Variants in ARHGEF40 observed in about 807,000 individuals in gnomAD.
The protein encoded by ARHGEF40 is Rho guanine nucleotide exchange factor 40.
Under a neutral mutation model 165.9 loss-of-function variants are expected in ARHGEF40, and 98 were observed. The ratio of observed to expected loss-of-function variants is 0.59; its 90% CI spans 0.50 to 0.70. ARHGEF40 has a LOEUF of 0.70. ARHGEF40 is among the 30% of genes least tolerant of loss of function. The pLI is 0.00. For synonymous variants in ARHGEF40, 792 were observed against 814.3 expected (o/e 0.97, Z 0.47); for missense variants, 1,815 against 1,968.0 (o/e 0.92, Z 1.47).
Position 21,076,608 on chromosome 14 carries a change from C to T in ARHGEF40, c.1882C>T (p.His628Tyr). 6.2e-7 allele frequency: 1 copy of T among 1,614,220 alleles called. No homozygotes were observed. The highest frequency in any genetic ancestry group is 8.5e-7 in the Non-Finnish European group (1 of 1,180,030). Residue 628 changes from histidine (H) to tyrosine (Y), a missense_variant, in exon 7 of 24, where the codon CAT (histidine) becomes TAT (tyrosine). By Grantham distance (83) the His-to-Tyr change is moderately conservative (BLOSUM62 2). Coordinates refer to ENST00000298694, the MANE Select transcript of ARHGEF40 (RefSeq NM_018071.5). The stretch of plus-strand genomic sequence containing the variant: ...TGTTCAGCGGCTGCTGATTCTCATT[C>T]ATGATGACCTTCCAACTGAACTCTG... The part of the protein sequence containing the change: ...PLVQRLLILI[H>Y]DDLPTELCGF...
rs2139188228 is a variant in ARHGEF40 at position 21,070,501 on chromosome 14, T to G, written c.3+102T>G. 7.6e-7 allele frequency: 1 copy of G among 1,323,780 alleles called. No individual in the cohort carries two copies. Among genetic ancestry groups the G allele is most frequent in the Non-Finnish European group, 9.8e-7 (1 of 1,022,596 alleles). The allele number at this position is 1,323,780 out of a possible 1,614,324, so 82.0% of individuals were successfully genotyped here. The stretch of plus-strand genomic sequence containing the variant: ...GGTGCCTCCCGAGCCTGCCTCGGAC[T>G]GTTCGGCCCCTCTGGGACTCTCCTC... On this transcript the variant is annotated intron_variant, in intron 1 of 23. Transcript: ENST00000298694. This position sits in a 1 kb window ranked among gnomAD's most constrained non-coding sequence, Gnocchi z 4.7.
At chr14:21,063,739 A>G in the ARHGEF40 span, among the ~76,000 whole-genome samples, 25 of 152,224 alleles carry the variant, frequency 1.6e-4, no homozygotes, top group Admixed American at 1.6e-3. Context: ...ATAAATGTTC[A>G]TTTAACAAAA....
chr14:21,079,398 G>C (rs1448629379), intron 11 of ARHGEF40, among the ~76,000 whole-genome samples: 1 of 152,084 alleles, frequency 6.6e-6, no homozygotes, highest in Non-Finnish European at 1.5e-5. Flanking sequence ...AACTCCTTAT[G>C]CGATGTCATC....
the ARHGEF40 span, among the ~76,000 whole-genome samples, chr14:21,063,218 A>T: frequency 6.7e-6 from 1 of 149,744 alleles, no homozygotes; most frequent in African/African-American, 2.5e-5. Flanking sequence ...AGTGGTGTGT[A>T]TGTGTGTGTG....
rs199575123 is a variant in ARHGEF40, at chr14:21,074,488, G to C, written c.758G>C (p.Arg253Thr). ...CTGTTAGAGGTGACGCTGCCCGTGA[G>C]GGGGAGCCCAACAGATGCTGAAGGC... ...VELLEVTLPV[R>T]GSPTDAEGSP... Residue 253 changes from arginine to threonine, a missense_variant, in exon 3 of 24, where the codon AGG (arginine) becomes ACG (threonine). Arg to Thr is a moderately conservative substitution (Grantham distance 71). Transcript: ENST00000298694. The surrounding 1 kb of genome is among the most constrained non-coding windows in gnomAD (Gnocchi z 4.8). 7.4e-5 allele frequency: 116 copies of C among 1,561,358 alleles called. No homozygotes were observed. In the Admixed American group the frequency reaches 1.9e-3, roughly 25 times the overall value.
intron 13 of ARHGEF40, 65 bp downstream of exon 13, chr14:21,081,081 G>A (rs1416775611): frequency 3.1e-5 from 48 of 1,552,858 alleles, no homozygotes; most frequent in Non-Finnish European, 3.9e-5. Flanking sequence ...TTTCTGCCTG[G>A]AGAGGCTAAT....
rs114588064 is a variant in ARHGEF40 at position 21,083,847 on chromosome 14, G to A, written c.3586G>A (p.Ala1196Thr). 1.4e-4 allele frequency: 225 copies of A among 1,613,704 alleles called. 3 individuals are homozygous for A. In the East Asian group the frequency reaches 1.5e-3, roughly 11 times the overall value. The change falls in exon 17 of 24, where the codon GCT becomes ACT. Residue 1196 changes from alanine (A) to threonine (T), a missense_variant. Transcript: ENST00000298694. ...GTCCTCAACCTAGGGCTCCATGGAG[G>A]CTGGCCCTTACCTGCCCCGAGCCCT... is the stretch of plus-strand genomic sequence containing the variant. ...LSPLSKGSME[A>T]GPYLPRALQQ...
At chr14:21,080,596 G>T (rs1887814417) in intron 11 of ARHGEF40, 64 bp from the exon 12 acceptor site, 2 of 1,540,714 alleles carry the variant, frequency 1.3e-6, no homozygotes, top group Admixed American at 1.9e-5. Flanking sequence ...GCTGATGCTG[G>T]ATCTCAGCCC....
chr14:21,088,985 T>G (rs917792231), intron 23 of ARHGEF40, 29 bp from the exon 24 acceptor site: 1 of 1,082,832 alleles, frequency 9.2e-7, no homozygotes, highest in African/African-American at 1.6e-5. Context: ...CTCTCCCAAC[T>G]CATCTCCCTC....
upstream of ARHGEF40, among the ~76,000 whole-genome samples, chr14:21,066,104 TAACAAC>T (rs951156309): frequency 6.1e-4 from 93 of 151,882 alleles, no homozygotes; most frequent in Non-Finnish European, 9.9e-4. Context: ...TTTTCAACAA[TAACAAC>T]AACAACAACA....
intron 21 of ARHGEF40, chr14:21,087,672 C>CCT: frequency 1.4e-6 from 1 of 732,298 alleles, no homozygotes. Flanking sequence ...TTCCTCTGTA[C>CCT]CTCTCTCTCT....
Position 21,076,344 on chromosome 14 carries a change from C to A in ARHGEF40, c.1740-16C>A. The A allele has an allele frequency of 6.2e-7, 1 of 1,610,390 alleles. No homozygotes were observed. ...CACACACACAGCAGCCTCCTTGGCT[C>A]TTCCTGCTCCCGCAGGCCTGATCTA... On this transcript the variant is annotated splice_polypyrimidine_tract_variant and intron_variant, in intron 5 of 23. Coordinates refer to ENST00000298694, the MANE Select transcript of ARHGEF40 (RefSeq NM_018071.5).
chr14:21,074,121 G>A lies in ARHGEF40; in HGVS notation c.391G>A (p.Val131Met). 1 of 1,614,080 alleles carries A rather than the reference G, an allele frequency of 6.2e-7. No homozygotes were observed. Among genetic ancestry groups the A allele is most frequent in the Non-Finnish European group, 8.5e-7 (1 of 1,180,020 alleles). Residue 131 changes from valine (V) to methionine (M), a missense_variant, in exon 3 of 24, where the codon GTG becomes ATG. Transcript: ENST00000298694. This position sits in a 1 kb window ranked among gnomAD's most constrained non-coding sequence, Gnocchi z 4.8. Reference sequence around the variant, plus strand: ...GTGTCTGGCCCCTGGGGGTGGGCGGGTGCAGGAGGTTCCTGTGCCCAATGA... The same window carrying A: ...GTGTCTGGCCCCTGGGGGTGGGCGGATGCAGGAGGTTCCTGTGCCCAATGA... ...LKCLAPGGGR[V>M]QEVPVPNEAC...
In ARHGEF40 at chr14:21,080,569, T is replaced by C. The variant is rs189207384; in HGVS notation, c.2374-91T>C. On this transcript the variant is annotated intron_variant, in intron 11 of 23. Transcript: ENST00000298694. ...ATGCAATAGTTCACTCAAAGTTCTA[T>C]AGATTGGGGTGGTGGGGCTGATGCT... is the stretch of plus-strand genomic sequence containing the variant. The C allele has an allele frequency of 3.5e-6, 5 of 1,421,112 alleles. No individual in the cohort carries two copies. The East Asian group carries it at 9.2e-5, about 26-fold the overall frequency. 88.0% of individuals were successfully genotyped at this position (1,421,112 alleles called of 1,614,324 possible). A position where few individuals can be genotyped will look rare whatever the true frequency, so the allele number is the denominator to read the frequency against.
intron 17 of ARHGEF40, 32 bp from the exon 18 acceptor site, chr14:21,084,721 G>A: frequency 1.9e-6 from 3 of 1,602,080 alleles, no homozygotes; most frequent in Middle Eastern, 2.2e-4. Context: ...AAGGGCCCCT[G>A]GGCCAACCAC....
intron 16 of ARHGEF40, among the ~76,000 whole-genome samples, chr14:21,083,180 A>G (rs1379038273): frequency 6.6e-6 from 1 of 152,126 alleles, no homozygotes; most frequent in Admixed American, 6.5e-5. Context: ...TAGTCACTAT[A>G]GCCAGCTCAC....
At chr14:21,078,104 G>A (rs750031854) in intron 8 of ARHGEF40, 73 bp from the exon 9 acceptor site, 10 of 1,386,902 alleles carry the variant, frequency 7.2e-6, no homozygotes, top group Admixed American at 2.7e-5. Context: ...TGGGGCTACC[G>A]CACCCCAACC....
chr14:21,064,187 T>C, the ARHGEF40 span, among the ~76,000 whole-genome samples: 3 of 152,230 alleles, frequency 2.0e-5, no homozygotes, highest in Non-Finnish European at 4.4e-5. Context: ...GAGGAGTACA[T>C]TTCTACAAAT....
chr14:21,071,782 C>G (rs1302508041), intron 1 of ARHGEF40, among the ~76,000 whole-genome samples: 4 of 152,320 alleles, frequency 2.6e-5, no homozygotes, highest in Admixed American at 6.5e-5. Flanking sequence ...ACCTTCCCCC[C>G]ACCCACGCGC....
Sources: allele counts gnomAD v4.1 joint callset (sites outside exome capture counted in the v4.1 genomes callset), GRCh38; gene constraint gnomAD v4.1.1; non-coding constraint Gnocchi (gnomAD v3.1); transcripts MANE v1.5; gene names NCBI Gene and HGNC (gene_info 2026-07-23, HGNC 2026-07-21).